MYCBP2: variants seen among roughly 807,000 people sequenced by gnomAD.
MYCBP2 encodes the protein MYC binding protein 2, also known as E3 ubiquitin-protein ligase MYCBP2.
Under a neutral mutation model 525.3 loss-of-function variants are expected in MYCBP2, and 120 were observed. The observed-to-expected ratio is 0.23, with a 90% CI of 0.20 to 0.27. The LOEUF (loss-of-function observed/expected upper bound fraction) is 0.27, where lower values mean the gene tolerates loss of function less well. Among genes scored for constraint, MYCBP2 ranks in the 10% least tolerant of loss-of-function variants. MYCBP2 has a pLI of 1.00. For missense variants in MYCBP2, 4,149 were observed against 5,657.1 expected (o/e 0.73, Z 8.55); for synonymous variants, 1,894 against 1,955.8 (o/e 0.97, Z 0.83).
chr13:77,287,791 G>A (rs2077041217), intron 3 of MYCBP2, among the ~76,000 whole-genome samples: 1 of 151,930 alleles, frequency 6.6e-6, no homozygotes, highest in Admixed American at 6.5e-5. Context: ...TTTCTCTTGT[G>A]CCCACCTTAC....
In MYCBP2 at chr13:77,055,787, C is replaced by G. The variant is rs1566299632; in HGVS notation, c.13438-20G>C. The stretch of plus-strand genomic sequence containing the variant: ...TTTGTTCTGCAATAAAAAATGAACA[C>G]TCTTTAGCAGAATCATTTATTAACC... On this transcript the variant is annotated intron_variant, in intron 79 of 82. Coordinates refer to ENST00000544440, the MANE Select transcript of MYCBP2 (RefSeq NM_015057.5). 6.4e-7 allele frequency: 1 copy of G among 1,556,246 alleles called. No homozygotes were observed. The highest frequency in any genetic ancestry group is 2.2e-5 in the East Asian group (1 of 44,516).
At position 77,243,800 on chromosome 13, in the gene MYCBP2, A is replaced by T. The variant is rs2069340855; in HGVS notation, c.2527+6T>A. The stretch of plus-strand genomic sequence containing the variant: ...AGTGTAGCATAGTATAATCAATCAA[A>T]ATTACCTAAAAGAAGATCTAAAGGT... On this transcript the variant is annotated splice_donor_region_variant and intron_variant, in intron 16 of 82. Transcript: ENST00000544440. 20 of 1,612,850 alleles carry T rather than the reference A, an allele frequency of 1.2e-5. No individual in the cohort carries two copies. Among genetic ancestry groups the T allele is most frequent in the Non-Finnish European group, 1.7e-5 (20 of 1,179,448 alleles).
At chr13:77,201,901 G>C (rs528452101) in intron 26 of MYCBP2, among the ~76,000 whole-genome samples, 1 of 152,088 alleles carries the variant, frequency 6.6e-6, no homozygotes, top group African/African-American at 2.4e-5. Flanking sequence ...GCAGTGTGTA[G>C]AGGGAAATTT....
rs746210833 is a variant in MYCBP2 at position 77,089,004 on chromosome 13, G to A, written c.10553C>T (p.Pro3518Leu). 46 of 1,612,482 alleles carry A rather than the reference G, an allele frequency of 2.9e-5. No individual in the cohort carries two copies. Among genetic ancestry groups the A allele is most frequent in the Middle Eastern group, 1.6e-4 (1 of 6,070 alleles). ...GATTAGCCGAGAAAGCTCAGGAGAC[G>A]GATGTCTCAAAAGGGAAGAACCAAC... Reference protein sequence around the residue: ...TEVGSSLLRHPSPELSRLISA... With the variant: ...TEVGSSLLRHLSPELSRLISA... Residue 3518 changes from proline (P) to leucine (L), a missense_variant, in exon 61 of 83, where the codon CCG (proline) becomes CTG (leucine). By Grantham distance (98) the Pro-to-Leu change is moderately conservative (BLOSUM62 -3). Transcript: ENST00000544440.
chr13:77,323,175 A>G (rs539108461), intron 1 of MYCBP2, among the ~76,000 whole-genome samples: 1 of 152,346 alleles, frequency 6.6e-6, no homozygotes, highest in African/African-American at 2.4e-5. Context: ...CATAGAAGTT[A>G]TGTAATATAC....
chr13:77,258,730 T>A (rs2072689352), intron 13 of MYCBP2, among the ~76,000 whole-genome samples: 1 of 152,152 alleles, frequency 6.6e-6, no homozygotes, highest in Non-Finnish European at 1.5e-5. Flanking sequence ...TATAAAACAG[T>A]AGTTATTTAT....
chr13:77,194,347 C>G (rs1014878554), intron 26 of MYCBP2, 103 bp from the exon 27 acceptor site: 2 of 742,270 alleles, frequency 2.7e-6, no homozygotes, highest in Non-Finnish European at 4.5e-6. Context: ...CTGGACCATA[C>G]CAAATGTAAA....
chr13:77,267,708 T>C, intron 8 of MYCBP2, 133 bp downstream of exon 8: 1 of 688,268 alleles, frequency 1.5e-6, no homozygotes, highest in Middle Eastern at 2.4e-4. Flanking sequence ...AAATGCTTTG[T>C]ATGTCAAGAT....
chr13:77,130,789 T>C (rs1438620478), intron 52 of MYCBP2, among the ~76,000 whole-genome samples: 1 of 152,184 alleles, frequency 6.6e-6, no homozygotes, highest in Non-Finnish European at 1.5e-5. Context: ...TCACTTTTTT[T>C]TAGCGTATTC....
chr13:77,252,700 A>G (rs572373642), intron 14 of MYCBP2, among the ~76,000 whole-genome samples: 21 of 152,234 alleles, frequency 1.4e-4, no homozygotes, highest in African/African-American at 5.1e-4. Context: ...AACTCATAGC[A>G]TATATAGCCT....
At chr13:77,269,089 G>A (rs1354240592) in intron 7 of MYCBP2, among the ~76,000 whole-genome samples, 1 of 152,100 alleles carries the variant, frequency 6.6e-6, no homozygotes, top group Non-Finnish European at 1.5e-5. Flanking sequence ...TATCCATCTG[G>A]CTGCTGACCT....
At chr13:77,130,902 T>C (rs1412694433) in intron 52 of MYCBP2, among the ~76,000 whole-genome samples, 1 of 152,168 alleles carries the variant, frequency 6.6e-6, no homozygotes, top group Non-Finnish European at 1.5e-5. Context: ...TGATGACTGG[T>C]TGACAATATT....
intron 31 of MYCBP2, 41 bp from the exon 32 acceptor site, chr13:77,185,418 T>C: frequency 1.3e-6 from 2 of 1,567,542 alleles, no homozygotes; most frequent in Non-Finnish European, 8.7e-7. Context: ...AAGCAAAATA[T>C]TAAATATGCA....
At position 77,095,295 on chromosome 13, in the gene MYCBP2, A is replaced by G; in HGVS notation, c.10199+63T>C. On this transcript the variant is annotated intron_variant, in intron 58 of 82. Coordinates refer to ENST00000544440, the MANE Select transcript of MYCBP2 (RefSeq NM_015057.5). ...TAGGTCAAATACCGAACTACCCTAG[A>G]TATCAATAAACAATCGCTGTTAATC... 5 of 1,582,576 alleles carry G rather than the reference A, an allele frequency of 3.2e-6. No homozygotes were observed. In the South Asian group the frequency reaches 5.8e-5, roughly 18 times the overall value.
intron 26 of MYCBP2, among the ~76,000 whole-genome samples, chr13:77,199,501 A>G (rs1297256368): frequency 1.3e-5 from 2 of 152,222 alleles, no homozygotes; most frequent in Non-Finnish European, 2.9e-5. Context: ...GCTTAGGTAA[A>G]CAAAGCAGCC....
chr13:77,048,622 C>T (rs148132880), intron 82 of MYCBP2, among the ~76,000 whole-genome samples: 3 of 152,232 alleles, frequency 2.0e-5, no homozygotes, highest in Admixed American at 6.5e-5. Context: ...TAGGCCAGTT[C>T]ATTAACCTCC....
intron 46 of MYCBP2, among the ~76,000 whole-genome samples, chr13:77,152,523 C>T (rs187209264): frequency 1.6e-3 from 238 of 152,262 alleles, no homozygotes; most frequent in African/African-American, 5.4e-3. Flanking sequence ...CTAAATGTTG[C>T]CTTTTTGGCC....
chr13:77,197,615 T>C (rs1356949201), intron 26 of MYCBP2, among the ~76,000 whole-genome samples: 3 of 152,096 alleles, frequency 2.0e-5, no homozygotes, highest in African/African-American at 2.4e-5. Flanking sequence ...TATACGAATA[T>C]GTGAAGAAAG....
At chr13:77,105,241 A>T (rs2047672895) in intron 55 of MYCBP2, among the ~76,000 whole-genome samples, 1 of 152,158 alleles carries the variant, frequency 6.6e-6, no homozygotes, top group Non-Finnish European at 1.5e-5. Context: ...CACATAAAAC[A>T]GAAATGTGAA....
Sources: allele counts gnomAD v4.1 joint callset (sites outside exome capture counted in the v4.1 genomes callset), GRCh38; gene constraint gnomAD v4.1.1; transcripts MANE v1.5; gene names NCBI Gene and HGNC (gene_info 2026-07-23, HGNC 2026-07-21).